SNX29: variants seen among roughly 807,000 people sequenced by gnomAD.
SNX29 encodes the protein sorting nexin-29.
In SNX29, 78 loss-of-function variants were observed where a neutral mutation model predicts 102.1. That is an observed-to-expected ratio of 0.76 (90% CI 0.64 to 0.92). SNX29 has a LOEUF of 0.92. Among genes scored for constraint, SNX29 ranks in the 40% least tolerant of loss-of-function variants. The pLI is 0.00. For synonymous variants in SNX29, 580 were observed against 414.5 expected (o/e 1.40, Z -4.85); for missense variants, 1,280 against 1,061.7 (o/e 1.21, Z -2.86).
In SNX29 at chr16:12,466,890, G is replaced by A. The variant is rs919477146; in HGVS notation, c.2038-10829G>A. ...ATGAGTCCTCTAACAGAGGCCATTT[G>A]CATCTTCCTTTGGTGGAAATGGTCC... is the stretch of plus-strand genomic sequence containing the variant. On this transcript the variant is annotated intron_variant, in intron 18 of 20. Coordinates refer to ENST00000566228, the MANE Select transcript of SNX29 (RefSeq NM_032167.5). 5.3e-5 allele frequency among the ~76,000 whole-genome samples: 8 copies of A among 152,302 alleles called. No homozygotes were observed. The East Asian group carries it at 1.4e-3, about 26-fold the overall frequency.
intron 14 of SNX29, among the ~76,000 whole-genome samples, chr16:12,249,779 C>T (rs2078368221): frequency 6.6e-6 from 1 of 152,182 alleles, no homozygotes; most frequent in Non-Finnish European, 1.5e-5. Context: ...GCATAGGGAA[C>T]ACTGTATACG....
chr16:12,122,278 A>G (rs1422415783), intron 11 of SNX29, among the ~76,000 whole-genome samples: 5 of 152,106 alleles, frequency 3.3e-5, no homozygotes, highest in African/African-American at 9.7e-5. Context: ...AGCCTGTGGC[A>G]CATCTGAACT....
intron 20 of SNX29, among the ~76,000 whole-genome samples, chr16:12,554,542 T>C (rs1179494900): frequency 6.6e-6 from 1 of 152,230 alleles, no homozygotes; most frequent in Admixed American, 6.5e-5. Flanking sequence ...GCCCACGTTT[T>C]TGTGAACTTG....
At position 12,020,903 on chromosome 16, in the gene SNX29, C is replaced by T. The variant is rs1395975429; in HGVS notation, c.123-6417C>T. ...CCTCCCAAAGTGCTGGGATTACAGG[C>T]GTGAGCCACTGAGCCCAGCCTCATG... On this transcript the variant is annotated intron_variant, in intron 3 of 20. Transcript: ENST00000566228. 3.3e-5 allele frequency among the ~76,000 whole-genome samples: 5 copies of T among 152,114 alleles called. No homozygotes were observed. In the East Asian group the frequency reaches 5.8e-4, roughly 18 times the overall value.
chr16:12,555,380 T>C (rs985226854), intron 20 of SNX29, among the ~76,000 whole-genome samples: 6 of 152,008 alleles, frequency 3.9e-5, no homozygotes, highest in East Asian at 1.9e-4. Context: ...GCGCTCCCTG[T>C]CTTTCCCTGC....
chr16:12,028,937 C>CG (rs2057266060), intron 4 of SNX29, among the ~76,000 whole-genome samples: 1 of 150,920 alleles, frequency 6.6e-6, no homozygotes, highest in Non-Finnish European at 1.5e-5. Context: ...TTAGTAGAGA[C>CG]AGGTTTCACC....
At chr16:12,484,362 A>C (rs1008644585) in intron 19 of SNX29, among the ~76,000 whole-genome samples, 3 of 152,136 alleles carry the variant, frequency 2.0e-5, no homozygotes, top group Non-Finnish European at 4.4e-5. Flanking sequence ...CAGTGTGGAC[A>C]CCTGCAGTGG....
In SNX29 at chr16:12,569,803, C is replaced by G. The variant is rs891239522; in HGVS notation, c.*1174C>G. 1 of 230,266 alleles carries G rather than the reference C, an allele frequency of 4.3e-6. No individual in the cohort carries two copies. The highest frequency in any genetic ancestry group is 2.2e-5 in the African/African-American group (1 of 45,146). The allele number at this position is 230,266 out of a possible 1,614,324, so 14.3% of individuals were successfully genotyped here. On this transcript the variant is annotated 3_prime_UTR_variant, in exon 21 of 21. Coordinates refer to ENST00000566228, the MANE Select transcript of SNX29 (RefSeq NM_032167.5). ...GCAATAGCCGTCCTCAGATGCTCAG[C>G]AAAGTTGTGGCAGTTTGCATTTCTA... is the stretch of plus-strand genomic sequence containing the variant.
intron 18 of SNX29, among the ~76,000 whole-genome samples, chr16:12,458,172 C>G (rs1320287948): frequency 2.0e-5 from 3 of 152,230 alleles, no homozygotes; most frequent in African/African-American, 4.8e-5. Flanking sequence ...GTGGAGAAAC[C>G]TCAGGCCCAT....
Position 12,096,058 on chromosome 16 carries a change from A to G in SNX29, c.1402+17143A>G, listed in dbSNP as rs375377149. Reference sequence around the variant, plus strand: ...AGCTGCTTGCTTGGCTAAGGGCTTCATGATAAAATTTTAGGATGAGATGGT... The same window carrying G: ...AGCTGCTTGCTTGGCTAAGGGCTTCGTGATAAAATTTTAGGATGAGATGGT... On this transcript the variant is annotated intron_variant, in intron 11 of 20. Coordinates refer to ENST00000566228, the MANE Select transcript of SNX29 (RefSeq NM_032167.5). The surrounding 1 kb of genome is among the most constrained non-coding windows in gnomAD (Gnocchi z 4.2). Among the ~76,000 whole-genome samples the G allele has an allele frequency of 3.1e-4, 48 of 152,382 alleles. No individual in the cohort carries two copies. Among genetic ancestry groups the G allele is most frequent in the African/African-American group, 9.9e-4 (41 of 41,598 alleles).
intron 20 of SNX29, among the ~76,000 whole-genome samples, chr16:12,553,694 A>G (rs1313136603): frequency 6.7e-6 from 1 of 150,024 alleles, no homozygotes; most frequent in Non-Finnish European, 1.5e-5. Flanking sequence ...GGGTTCAAAC[A>G]ATTCTGCCTC....
intron 18 of SNX29, among the ~76,000 whole-genome samples, chr16:12,403,947 A>G (rs565747991): frequency 6.6e-6 from 1 of 152,156 alleles, no homozygotes; most frequent in African/African-American, 2.4e-5. Context: ...GGTTGACAGG[A>G]TGACCCCAGC....
chr16:12,550,933 T>G (rs934681327), intron 20 of SNX29, among the ~76,000 whole-genome samples: 3 of 152,182 alleles, frequency 2.0e-5, no homozygotes. Flanking sequence ...TGGAAATAAA[T>G]TTTTAGTTGA....
chr16:12,274,737 A>G (rs891539439), intron 14 of SNX29, among the ~76,000 whole-genome samples: 1 of 151,794 alleles, frequency 6.6e-6, no homozygotes, highest in Non-Finnish European at 1.5e-5. Context: ...GGGCTTCACC[A>G]TGTTGCCCAG....
At chr16:12,102,172 G>A (rs2053051277) in intron 11 of SNX29, among the ~76,000 whole-genome samples, 1 of 152,142 alleles carries the variant, frequency 6.6e-6, no homozygotes, top group Non-Finnish European at 1.5e-5. Context: ...ATCATTGATG[G>A]GCATTTGGGT....
chr16:12,138,381 T>C (rs758821850), intron 13 of SNX29, among the ~76,000 whole-genome samples: 23 of 151,966 alleles, frequency 1.5e-4, no homozygotes, highest in Non-Finnish European at 2.8e-4. Context: ...CTCATTTGTA[T>C]ATTTTTAGTA....
At chr16:12,321,845 G>C (rs1311039301) in intron 15 of SNX29, among the ~76,000 whole-genome samples, 1 of 152,214 alleles carries the variant, frequency 6.6e-6, no homozygotes, top group Non-Finnish European at 1.5e-5. Flanking sequence ...CTTCCTTGGT[G>C]GGGTGGGGAA....
At chr16:12,141,269 C>T (rs770428928) in intron 13 of SNX29, among the ~76,000 whole-genome samples, 3 of 152,188 alleles carry the variant, frequency 2.0e-5, no homozygotes, top group African/African-American at 7.2e-5. Context: ...TGAAGTGTTG[C>T]AGGAAGTAGG....
chr16:12,327,387 C>A (rs2081150557), intron 15 of SNX29, among the ~76,000 whole-genome samples: 1 of 152,118 alleles, frequency 6.6e-6, no homozygotes, highest in Middle Eastern at 3.2e-3. Context: ...AGAAATGTAT[C>A]TTCTCACCTT....
Sources: gnomAD v4.1 joint callset for allele counts (sites outside exome capture counted in the v4.1 genomes callset) on GRCh38, gnomAD v4.1.1 for gene constraint, Gnocchi (gnomAD v3.1) non-coding constraint, MANE v1.5 for transcripts, NCBI Gene and HGNC (gene_info 2026-07-23, HGNC 2026-07-21) for gene names.